The following UBE2U variants were observed in gnomAD, a reference collection of about 807,000 sequenced individuals.
UBE2U encodes the protein ubiquitin conjugating enzyme E2 U.
A neutral mutation model predicts 41.2 loss-of-function variants in UBE2U; 39 were observed. The ratio of observed to expected loss-of-function variants is 0.95; its 90% CI spans 0.73 to 1.24. The LOEUF (loss-of-function observed/expected upper bound fraction) is 1.24, where lower values mean the gene tolerates loss of function less well. Ranked by LOEUF, UBE2U falls within the 50% of genes most tolerant of loss-of-function variation. UBE2U has a pLI of 0.00. For missense variants in UBE2U, 336 were observed against 363.1 expected, an observed-to-expected ratio of 0.93 and a Z score of 0.61; for synonymous variants, 107 against 117.8, an observed-to-expected ratio of 0.91 and a Z score of 0.60.
At chr1:64,241,810 G>C in intron 8 of UBE2U, 77 bp downstream of exon 8, 1 of 1,079,656 alleles carries the variant, frequency 9.3e-7, no homozygotes, top group Non-Finnish European at 1.4e-6. Context: ...ATCCAACTTG[G>C]AAATAACAGA....
At chr1:64,220,165 GTAGAATTA>G (rs1652339120) in intron 5 of UBE2U, among the ~76,000 whole-genome samples, 1 of 151,974 alleles carries the variant, frequency 6.6e-6, no homozygotes, top group East Asian at 1.9e-4. Flanking sequence ...TTATTTCATT[GTAGAATTA>G]TTCAGTGAGA....
intron 6 of UBE2U, 112 bp downstream of exon 6, chr1:64,221,019 CTTA>C: frequency 3.0e-6 from 2 of 658,408 alleles, no homozygotes; most frequent in Non-Finnish European, 4.9e-6. Flanking sequence ...TTAGAAACAT[CTTA>C]TAATATCTTT....
intron 5 of UBE2U, among the ~76,000 whole-genome samples, chr1:64,218,758 C>T (rs1472726490): frequency 6.6e-6 from 1 of 152,192 alleles, no homozygotes; most frequent in Non-Finnish European, 1.5e-5. Flanking sequence ...AAATACTTGC[C>T]ACAGATAAAC....
intron 8 of UBE2U, among the ~76,000 whole-genome samples, chr1:64,258,138 T>A (rs1480450786): frequency 6.6e-6 from 1 of 152,226 alleles, no homozygotes; most frequent in Non-Finnish European, 1.5e-5. Flanking sequence ...TGATTTATCT[T>A]GATTTTTATA....
chr1:64,222,996 C>A (rs570312982), intron 6 of UBE2U, among the ~76,000 whole-genome samples: 1 of 152,280 alleles, frequency 6.6e-6, no homozygotes, highest in South Asian at 2.1e-4. Flanking sequence ...TGCTAGTCAT[C>A]TGGGATGTTT....
At chr1:64,235,485 T>C (rs1008396126) in intron 7 of UBE2U, among the ~76,000 whole-genome samples, 1 of 152,346 alleles carries the variant, frequency 6.6e-6, no homozygotes, top group Admixed American at 6.5e-5. Context: ...CACTATCTTT[T>C]TTTAATGGCC....
intron 3 of UBE2U, among the ~76,000 whole-genome samples, chr1:64,207,512 A>T (rs1033026724): frequency 6.6e-6 from 1 of 152,244 alleles, no homozygotes; most frequent in Non-Finnish European, 1.5e-5. Context: ...AGATCATCTT[A>T]AATGGTTCAA....
At chr1:64,227,827 A>G (rs1186845939) in intron 6 of UBE2U, among the ~76,000 whole-genome samples, 1 of 152,184 alleles carries the variant, frequency 6.6e-6, no homozygotes, top group Non-Finnish European at 1.5e-5. Flanking sequence ...AATGATAATA[A>G]AATACCATTT....
intron 8 of UBE2U, 118 bp downstream of exon 8, chr1:64,241,851 T>G (rs1014919590): frequency 5.3e-5 from 35 of 657,934 alleles, no homozygotes; most frequent in Middle Eastern, 5.2e-4. Flanking sequence ...ACTTATACCC[T>G]TTTCTCAGTA....
chr1:64,209,924 T>C (rs1256474140), intron 3 of UBE2U, among the ~76,000 whole-genome samples: 1 of 152,220 alleles, frequency 6.6e-6, no homozygotes, highest in Admixed American at 6.5e-5. Flanking sequence ...CCCACCTTTG[T>C]TGATTCTTAT....
chr1:64,220,424 G>A (rs1474087719), intron 5 of UBE2U, among the ~76,000 whole-genome samples: 2 of 152,130 alleles, frequency 1.3e-5, no homozygotes, highest in South Asian at 4.1e-4. Flanking sequence ...GAGTCTCTCT[G>A]GCCCAGTTTT....
chr1:64,209,750 C>A (rs891527992), intron 3 of UBE2U, among the ~76,000 whole-genome samples: 2 of 125,856 alleles, frequency 1.6e-5, no homozygotes, highest in Non-Finnish European at 1.6e-5. Flanking sequence ...AATTGCCTTT[C>A]GGTGGTATTT....
chr1:64,239,101 A>AGAGGAAGAG (rs1644742100), intron 7 of UBE2U, among the ~76,000 whole-genome samples: 1 of 7,640 alleles, frequency 1.3e-4, no homozygotes, highest in Non-Finnish European at 2.3e-4. Context: ...AGGAAGAAGA[A>AGAGGAAGAG]GAAGAAGAAG....
At chr1:64,249,884 G>A (rs1644980085) in intron 8 of UBE2U, among the ~76,000 whole-genome samples, 1 of 152,048 alleles carries the variant, frequency 6.6e-6, no homozygotes, top group South Asian at 2.1e-4. Context: ...CCAATTTGAT[G>A]AAGTCTGCAA....
chr1:64,251,116 A>G (rs1451279851), intron 8 of UBE2U, among the ~76,000 whole-genome samples: 1 of 151,656 alleles, frequency 6.6e-6, no homozygotes, highest in Non-Finnish European at 1.5e-5. Flanking sequence ...CCCCAAAAAA[A>G]GAAAACTACA....
chr1:64,266,195 T>C (rs1645252154), intron 9 of UBE2U, among the ~76,000 whole-genome samples: 1 of 152,224 alleles, frequency 6.6e-6, no homozygotes, highest in Non-Finnish European at 1.5e-5. Context: ...ATTATATCTA[T>C]ATTCTCCTTT....
intron 9 of UBE2U, among the ~76,000 whole-genome samples, chr1:64,266,608 T>C (rs957700219): frequency 7.2e-5 from 11 of 152,210 alleles, no homozygotes; most frequent in African/African-American, 2.7e-4. Flanking sequence ...TTTGTGCTTA[T>C]ACGATGTGTG....
intron 6 of UBE2U, among the ~76,000 whole-genome samples, chr1:64,224,799 C>A (rs1652750060): frequency 6.6e-6 from 1 of 151,824 alleles, no homozygotes. Context: ...CTAGAGATCT[C>A]TTGCACAGCA....
intron 8 of UBE2U, among the ~76,000 whole-genome samples, chr1:64,252,578 C>T (rs1356730478): frequency 6.6e-6 from 1 of 152,104 alleles, no homozygotes; most frequent in Non-Finnish European, 1.5e-5. Flanking sequence ...GTTTTGCAGC[C>T]CGCACTGGTG....
Sources: allele counts gnomAD v4.1 joint callset (sites outside exome capture counted in the v4.1 genomes callset), GRCh38; gene constraint gnomAD v4.1.1; transcripts MANE v1.5; gene names NCBI Gene and HGNC (gene_info 2026-07-23, HGNC 2026-07-21).